The following TTC27 variants were observed in gnomAD, a reference collection of about 807,000 sequenced individuals.
The protein encoded by TTC27 is tetratricopeptide repeat protein 27.
In TTC27, 79 loss-of-function variants were observed where a neutral mutation model predicts 115.9. The observed-to-expected ratio is 0.68, with a 90% CI of 0.57 to 0.82. The LOEUF (loss-of-function observed/expected upper bound fraction) is 0.82, where lower values mean the gene tolerates loss of function less well. Among genes scored for constraint, TTC27 ranks in the 40% least tolerant of loss-of-function variants. The pLI, the probability that TTC27 is intolerant of heterozygous loss-of-function variation, is 0.00. For missense variants in TTC27, 1,054 were observed against 993.1 expected (o/e 1.06, Z -0.82); for synonymous variants, 401 against 356.0 (o/e 1.13, Z -1.42).
At chr2:32,712,663 T>G (rs1264955214) in intron 10 of TTC27, among the ~76,000 whole-genome samples, 3 of 152,088 alleles carry the variant, frequency 2.0e-5, no homozygotes, top group Non-Finnish European at 4.4e-5. Flanking sequence ...GCTCACCTGT[T>G]TCTCCTGCCT....
At position 32,663,912 on chromosome 2, in the gene TTC27, T is replaced by C. The variant is rs564358021; in HGVS notation, c.641-391T>C. Among the ~76,000 whole-genome samples the C allele has an allele frequency of 1.3e-5, 2 of 152,132 alleles. 1 individual carries two copies. Among genetic ancestry groups the C allele is most frequent in the South Asian group, 4.1e-4 (2 of 4,826 alleles). On this transcript the variant is annotated intron_variant, in intron 5 of 19. Transcript: ENST00000317907. ...GTTGGTCAGGCTGGTCTCGAACTCCTGACCTTGTGATCCGCCCACCTCGGC... is the reference window on the plus strand; with the variant it reads ...GTTGGTCAGGCTGGTCTCGAACTCCCGACCTTGTGATCCGCCCACCTCGGC...
intron 4 of TTC27, among the ~76,000 whole-genome samples, chr2:32,644,131 A>G (rs542006820): frequency 6.8e-6 from 1 of 147,964 alleles, no homozygotes; most frequent in African/African-American, 2.5e-5. Context: ...CAGTGAATCG[A>G]GATCGTTCCA....
intron 5 of TTC27, 149 bp from the exon 6 acceptor site, chr2:32,664,154 T>A (rs1665671675): frequency 1.7e-6 from 1 of 604,192 alleles, no homozygotes; most frequent in Admixed American, 3.4e-5. Context: ...TAACTATTAG[T>A]GTTACTGTAT....
chr2:32,816,693 T>C (rs1007358672), intron 18 of TTC27, among the ~76,000 whole-genome samples: 5 of 152,140 alleles, frequency 3.3e-5, no homozygotes, highest in African/African-American at 4.8e-5. Context: ...AAGAACCTGG[T>C]TGTGGTCGCG....
At chr2:32,666,605 T>C (rs960638390) in intron 6 of TTC27, 30 bp from the exon 7 acceptor site, 2 of 1,611,272 alleles carry the variant, frequency 1.2e-6, no homozygotes, top group African/African-American at 2.7e-5. Flanking sequence ...CATGGGTAAG[T>C]CAGTAGATAT....
intron 3 of TTC27, among the ~76,000 whole-genome samples, chr2:32,637,495 C>G (rs1664473523): frequency 6.6e-6 from 1 of 152,012 alleles, no homozygotes; most frequent in South Asian, 2.1e-4. Flanking sequence ...CCGTGCCTGG[C>G]TAATTTTTGT....
intron 10 of TTC27, among the ~76,000 whole-genome samples, chr2:32,706,585 A>G (rs1667376119): frequency 6.6e-6 from 1 of 151,988 alleles, no homozygotes; most frequent in East Asian, 1.9e-4. Context: ...TGTTTTTGAG[A>G]CAGAGTGTTA....
chr2:32,682,859 T>TTTTTTTTTTTTTTTTTTG (rs1666489292), intron 9 of TTC27, among the ~76,000 whole-genome samples: 1 of 119,322 alleles, frequency 8.4e-6, no homozygotes, highest in Admixed American at 8.6e-5. Context: ...TTTTTTTTTT[T>TTTTTTTTTTTTTTTTTTG]TTTTTTTTTT....
chr2:32,755,747 A>G (rs1423863552), intron 12 of TTC27, among the ~76,000 whole-genome samples: 1 of 152,198 alleles, frequency 6.6e-6, no homozygotes, highest in Non-Finnish European at 1.5e-5. Context: ...CTACAGGGAA[A>G]AATAAATTCT....
intron 10 of TTC27, among the ~76,000 whole-genome samples, chr2:32,727,144 TGA>T (rs1197219708): frequency 6.6e-6 from 1 of 152,020 alleles, no homozygotes; most frequent in Non-Finnish European, 1.5e-5. Flanking sequence ...AAGAAAAAAA[TGA>T]GAGTTTCGGA....
rs958445408 is a variant in TTC27, at chr2:32,646,557, G to T, written c.538-3574G>T. 3.0e-3 allele frequency among the ~76,000 whole-genome samples: 341 copies of T among 114,476 alleles called. 1 individual carries two copies. The highest frequency in any genetic ancestry group is 4.2e-3 in the Non-Finnish European group (248 of 58,794). The allele number at this position is 114,476 out of a possible 152,430, so 75.1% of individuals were successfully genotyped here. On this transcript the variant is annotated intron_variant, in intron 4 of 19. Coordinates refer to ENST00000317907, the MANE Select transcript of TTC27 (RefSeq NM_017735.5). ...AAATAGGCTATGCTTTCTATATTTG[G>T]TTTTTTTTTTTTTTTTTTTGGAGAC...
intron 9 of TTC27, among the ~76,000 whole-genome samples, chr2:32,690,429 A>G (rs1241538993): frequency 6.6e-6 from 1 of 152,204 alleles, no homozygotes; most frequent in African/African-American, 2.4e-5. Flanking sequence ...ATGAAACTGT[A>G]CTTAGCAATA....
chr2:32,807,778 G>A (rs1671180367), intron 16 of TTC27, among the ~76,000 whole-genome samples: 1 of 152,080 alleles, frequency 6.6e-6, no homozygotes, highest in African/African-American at 2.4e-5. Flanking sequence ...CACCCTTAAT[G>A]ATTGCCAAAT....
intron 16 of TTC27, among the ~76,000 whole-genome samples, chr2:32,791,656 A>G (rs1381295171): frequency 1.3e-5 from 2 of 152,102 alleles, no homozygotes; most frequent in Admixed American, 1.3e-4. Context: ...ACATTTTCCC[A>G]TCATATTAAT....
At position 32,678,837 on chromosome 2, in the gene TTC27, T is replaced by C. The variant is rs759944211; in HGVS notation, c.1053-19T>C. On this transcript the variant is annotated intron_variant, in intron 8 of 19. Transcript: ENST00000317907. ...ACATGCATCTTATAATTAATTTACC[T>C]TTTTTTCTTAATTTAAAGCACTAAT... The C allele has an allele frequency of 1.8e-5, 29 of 1,576,846 alleles. No homozygotes were observed. The highest frequency in any genetic ancestry group is 2.4e-5 in the Non-Finnish European group (28 of 1,154,618).
chr2:32,680,258 C>A (rs1279659938), intron 9 of TTC27, among the ~76,000 whole-genome samples: 1 of 152,104 alleles, frequency 6.6e-6, no homozygotes, highest in Non-Finnish European at 1.5e-5. Context: ...GAAGTGTTAA[C>A]AAATTTTAAA....
intron 12 of TTC27, among the ~76,000 whole-genome samples, chr2:32,744,304 A>G (rs967661400): frequency 6.6e-6 from 1 of 152,178 alleles, no homozygotes; most frequent in Non-Finnish European, 1.5e-5. Context: ...AAAAAATCCA[A>G]TGTTTGGTGG....
Position 32,815,223 on chromosome 2 carries a change from ATTTTT to A in TTC27, c.2309-2207_2309-2203del, listed in dbSNP as rs533493768. Among the ~76,000 whole-genome samples the A allele has an allele frequency of 9.7e-3, 537 of 55,448 alleles. 1 individual carries two copies. The highest frequency in any genetic ancestry group is 0.041 in the African/African-American group (440 of 10,678). The allele number at this position is 55,448 out of a possible 152,430, so 36.4% of individuals were successfully genotyped here. On this transcript the variant is annotated intron_variant, in intron 18 of 19. Transcript: ENST00000317907. ...CATAGAGGAGGCACTGCTGCTTCAGATTTTTTTTTTTTTTTTTTTTTTTTTTTTTT... is the reference window on the plus strand; with the variant it reads ...CATAGAGGAGGCACTGCTGCTTCAGATTTTTTTTTTTTTTTTTTTTTTTTT...
intron 13 of TTC27, among the ~76,000 whole-genome samples, chr2:32,761,472 C>T (rs1040559278): frequency 8.5e-5 from 13 of 152,160 alleles, no homozygotes; most frequent in Non-Finnish European, 2.9e-5. Context: ...TGGTAATACC[C>T]AGTCTCTTAA....
Sources: gnomAD v4.1 joint callset for allele counts (sites outside exome capture counted in the v4.1 genomes callset) on GRCh38, gnomAD v4.1.1 for gene constraint, MANE v1.5 for transcripts, NCBI Gene and HGNC (gene_info 2026-07-23, HGNC 2026-07-21) for gene names.